Variants in WAC observed in about 807,000 individuals in gnomAD.
WAC encodes the protein WW domain containing adaptor with coiled-coil, also known as WW domain-containing adapter protein with coiled-coil.
In WAC, 11 loss-of-function variants were observed where a neutral mutation model predicts 79.6. The ratio of observed to expected loss-of-function variants is 0.14; its 90% CI spans 0.09 to 0.23. The LOEUF is 0.23. Among genes scored for constraint, WAC ranks in the 10% least tolerant of loss-of-function variants. The pLI, the probability that WAC is intolerant of heterozygous loss-of-function variation, is 1.00. For synonymous variants in WAC, 304 were observed against 276.9 expected, an observed-to-expected ratio of 1.10 and a Z score of -0.97; for missense variants, 728 against 773.5, an observed-to-expected ratio of 0.94 and a Z score of 0.70.
intron 6 of WAC, 178 bp downstream of exon 6, chr10:28,591,010 A>T (rs1160714769): frequency 3.4e-6 from 2 of 590,556 alleles, no homozygotes; most frequent in East Asian, 3.1e-5. Flanking sequence ...GGGAAAAGAT[A>T]CACGGTCGAG....
At chr10:28,561,222 A>T (rs1227695319) in intron 3 of WAC, among the ~76,000 whole-genome samples, 1 of 152,194 alleles carries the variant, frequency 6.6e-6, no homozygotes, top group Non-Finnish European at 1.5e-5. Context: ...TGAAATATTG[A>T]TGGCCAAGTT....
chr10:28,571,770 A>G (rs1406788207), intron 3 of WAC, among the ~76,000 whole-genome samples: 1 of 152,164 alleles, frequency 6.6e-6, no homozygotes, highest in Non-Finnish European at 1.5e-5. Context: ...ACTTGGAGAC[A>G]CCTATGTGTA....
At chr10:28,586,402 G>A (rs567686054) in intron 4 of WAC, among the ~76,000 whole-genome samples, 6 of 152,132 alleles carry the variant, frequency 3.9e-5, no homozygotes, top group Non-Finnish European at 7.4e-5. Context: ...AATGTTGGGC[G>A]CAGTGGCTCA....
At chr10:28,575,609 C>T (rs1331612160) in intron 3 of WAC, among the ~76,000 whole-genome samples, 1 of 152,148 alleles carries the variant, frequency 6.6e-6, no homozygotes, top group African/African-American at 2.4e-5. Context: ...TTGATATGCG[C>T]TTTGGCAATT....
At chr10:28,605,000 G>A (rs1446267858) in intron 7 of WAC, among the ~76,000 whole-genome samples, 4 of 152,098 alleles carry the variant, frequency 2.6e-5, no homozygotes, top group African/African-American at 9.7e-5. Context: ...GTAGATTGAG[G>A]CATGTAACAT....
intron 3 of WAC, 199 bp downstream of exon 3, chr10:28,535,956 C>CT: frequency 2.0e-6 from 1 of 490,714 alleles, no homozygotes; most frequent in Non-Finnish European, 3.4e-6. Flanking sequence ...AAAGTGGACT[C>CT]TTAAGGCCAG....
At chr10:28,533,891 T>G (rs1007554450) in intron 1 of WAC, 107 bp from the exon 2 acceptor site, 66 of 1,393,880 alleles carry the variant, frequency 4.7e-5, no homozygotes, top group Admixed American at 4.6e-4. Context: ...GCTGGGGCGC[T>G]CGGTAGGTCT....
intron 3 of WAC, among the ~76,000 whole-genome samples, chr10:28,553,210 A>C (rs1837787801): frequency 6.6e-6 from 1 of 152,140 alleles, no homozygotes; most frequent in Non-Finnish European, 1.5e-5. Flanking sequence ...ACTATTATAA[A>C]CAAATCTTTT....
intron 3 of WAC, among the ~76,000 whole-genome samples, chr10:28,541,193 C>G: frequency 6.6e-6 from 1 of 151,868 alleles, no homozygotes; most frequent in East Asian, 1.9e-4. Flanking sequence ...GTCTGTAATT[C>G]ACAGAAAATT....
At chr10:28,613,201 T>A (rs1231959747) in intron 10 of WAC, among the ~76,000 whole-genome samples, 1 of 152,178 alleles carries the variant, frequency 6.6e-6, no homozygotes, top group Non-Finnish European at 1.5e-5. Context: ...ACCCGGTCTC[T>A]ACTAAAAGTA....
At chr10:28,614,771 A>C in intron 11 of WAC, 86 bp downstream of exon 11, 2 of 1,150,938 alleles carry the variant, frequency 1.7e-6, no homozygotes, top group Non-Finnish European at 2.5e-6. Context: ...TGTAAAATAG[A>C]ACTTAACCTT....
At chr10:28,608,649 G>C (rs1311186253) in intron 8 of WAC, 2 of 531,490 alleles carry the variant, frequency 3.8e-6, no homozygotes, top group Admixed American at 3.7e-5. Context: ...CTTGGATCTT[G>C]TGTATATTTT....
At chr10:28,602,256 G>A (rs1840680395) in intron 7 of WAC, among the ~76,000 whole-genome samples, 1 of 152,178 alleles carries the variant, frequency 6.6e-6, no homozygotes. Context: ...TCTTTTGTGT[G>A]TATTAACATG....
Position 28,619,813 on chromosome 10 carries a change from G to A in WAC, c.*207G>A. The A allele has an allele frequency of 4.4e-6, 2 of 450,214 alleles. No individual in the cohort carries two copies. The highest frequency in any genetic ancestry group is 7.8e-6 in the Non-Finnish European group (2 of 256,526). 27.9% of individuals were successfully genotyped at this position (450,214 alleles called of 1,614,324 possible). A position where few individuals can be genotyped will look rare whatever the true frequency, so the allele number is the denominator to read the frequency against. ...CTTGAAATGTAGATTTCTTGTAGAT[G>A]TATCCTTCACGTTGTAAATATGTTT... On this transcript the variant is annotated 3_prime_UTR_variant, in exon 14 of 14. Coordinates refer to ENST00000354911, the MANE Select transcript of WAC (RefSeq NM_016628.5).
intron 3 of WAC, among the ~76,000 whole-genome samples, chr10:28,549,209 T>C (rs1436958339): frequency 6.6e-6 from 1 of 152,126 alleles, no homozygotes; most frequent in Non-Finnish European, 1.5e-5. Context: ...AAGTTTTTGA[T>C]TTTTTATGGT....
At position 28,589,753 on chromosome 10, in the gene WAC, T is replaced by C. The variant is rs1228963570; in HGVS notation, c.399T>C (p.Asp133=). Reference sequence around the variant, plus strand: ...TTTTTAAGCCTTATGATTCTGCAGATGACTGGTCTGAGCATATTAGCTCTT... The same window carrying C: ...TTTTTAAGCCTTATGATTCTGCAGACGACTGGTCTGAGCATATTAGCTCTT... ...KTSDAPYDSA[D]DWSEHISSSG... The change falls in exon 5 of 14, where the codon GAT becomes GAC. Residue 133 remains aspartate (D), a synonymous_variant. Coordinates refer to ENST00000354911, the MANE Select transcript of WAC (RefSeq NM_016628.5). 5.6e-6 allele frequency: 9 copies of C among 1,609,920 alleles called. No individual in the cohort carries two copies. Among genetic ancestry groups the C allele is most frequent in the Admixed American group, 5.0e-5 (3 of 59,670 alleles).
chr10:28,539,320 G>A (rs1836871966), intron 3 of WAC, among the ~76,000 whole-genome samples: 1 of 152,136 alleles, frequency 6.6e-6, no homozygotes, highest in Non-Finnish European at 1.5e-5. Flanking sequence ...CAAAAACCTT[G>A]CTAGTTAAAA....
intron 9 of WAC, chr10:28,611,056 GTAAT>G (rs1282179810): frequency 1.9e-5 from 11 of 577,712 alleles, no homozygotes; most frequent in Admixed American, 3.4e-5. Context: ...CATCAAATCT[GTAAT>G]TATTTAAGAC....
At chr10:28,603,361 TTTCC>T (rs1840735147) in intron 7 of WAC, among the ~76,000 whole-genome samples, 1 of 152,186 alleles carries the variant, frequency 6.6e-6, no homozygotes, top group Non-Finnish European at 1.5e-5. Context: ...GTAGTCTAGG[TTTCC>T]TTAATGCTTG....
Sources: gnomAD v4.1 joint callset for allele counts (sites outside exome capture counted in the v4.1 genomes callset) on GRCh38, gnomAD v4.1.1 for gene constraint, MANE v1.5 for transcripts, NCBI Gene and HGNC (gene_info 2026-07-23, HGNC 2026-07-21) for gene names.